Variants in PLXDC2 observed in about 807,000 individuals in gnomAD.
PLXDC2 encodes the protein plexin domain-containing protein 2.
PLXDC2 carries 40 observed loss-of-function variants against 68.9 expected under a neutral mutation model. That is an observed-to-expected ratio of 0.58 (90% CI 0.45 to 0.76). PLXDC2 has a LOEUF of 0.76. Among genes scored for constraint, PLXDC2 ranks in the 30% least tolerant of loss-of-function variants. The pLI, the probability that PLXDC2 is intolerant of heterozygous loss-of-function variation, is 0.00. For synonymous variants in PLXDC2, 243 were observed against 234.2 expected, an observed-to-expected ratio of 1.04 and a Z score of -0.34; for missense variants, 644 against 661.9, an observed-to-expected ratio of 0.97 and a Z score of 0.30.
At chr10:20,206,978 TG>T (rs1835002547) in intron 9 of PLXDC2, among the ~76,000 whole-genome samples, 1 of 152,154 alleles carries the variant, frequency 6.6e-6, no homozygotes, top group South Asian at 2.1e-4. Context: ...CTTTTCCTAG[TG>T]GTTTATACAA....
chr10:20,137,693 AGTTGTTCT>A (rs372295634), intron 4 of PLXDC2, among the ~76,000 whole-genome samples: 1 of 152,356 alleles, frequency 6.6e-6, no homozygotes, highest in African/African-American at 2.4e-5. Flanking sequence ...CCTTGAATAA[AGTTGTTCT>A]GTTCAACATC....
At chr10:20,066,791 G>A (rs1836219249) in intron 3 of PLXDC2, among the ~76,000 whole-genome samples, 2 of 152,114 alleles carry the variant, frequency 1.3e-5, no homozygotes, top group South Asian at 4.1e-4. Context: ...TGCAAAATGG[G>A]AAAAAGCTAA....
intron 1 of PLXDC2, among the ~76,000 whole-genome samples, chr10:19,959,275 A>T (rs1834119139): frequency 6.6e-6 from 1 of 152,198 alleles, no homozygotes; most frequent in African/African-American, 2.4e-5. Context: ...GATACCTGGA[A>T]TGATTGTCTT....
intron 1 of PLXDC2, among the ~76,000 whole-genome samples, chr10:19,991,105 G>A (rs1221820303): frequency 6.6e-6 from 1 of 152,040 alleles, no homozygotes; most frequent in Non-Finnish European, 1.5e-5. Context: ...AATTAGTGGG[G>A]CGTGGTAGCA....
chr10:19,943,297 A>G (rs2131399678), intron 1 of PLXDC2, among the ~76,000 whole-genome samples: 1 of 152,174 alleles, frequency 6.6e-6, no homozygotes, highest in South Asian at 2.1e-4. Flanking sequence ...CAGTATACAC[A>G]TGTATCTTTA....
At chr10:20,007,503 G>A (rs564467767) in intron 2 of PLXDC2, among the ~76,000 whole-genome samples, 49 of 152,340 alleles carry the variant, frequency 3.2e-4, no homozygotes, top group African/African-American at 1.1e-3. Flanking sequence ...TAAAAGGACT[G>A]TACTGTGTGA....
intron 1 of PLXDC2, among the ~76,000 whole-genome samples, chr10:19,967,156 C>A (rs1589561067): frequency 6.6e-6 from 1 of 152,184 alleles, no homozygotes; most frequent in African/African-American, 2.4e-5. Flanking sequence ...AACATACATG[C>A]TTTGGTACAG....
chr10:20,001,713 T>C (rs545766125), intron 1 of PLXDC2, 62 bp from the exon 2 acceptor site: 708 of 1,464,894 alleles, frequency 4.8e-4, no homozygotes, highest in Non-Finnish European at 5.8e-4. Context: ...CTCGAGCCGA[T>C]AGCACTTGCA....
chr10:20,210,758 G>A (rs1378607546), intron 9 of PLXDC2, among the ~76,000 whole-genome samples: 2 of 152,146 alleles, frequency 1.3e-5, no homozygotes, highest in Non-Finnish European at 2.9e-5. Context: ...AGAGACCAGT[G>A]CAAGTTGCCA....
chr10:19,925,261 A>G (rs2131384236), intron 1 of PLXDC2, among the ~76,000 whole-genome samples: 1 of 152,324 alleles, frequency 6.6e-6, no homozygotes, highest in East Asian at 1.9e-4. Context: ...TCTGCACACC[A>G]GTGAATTTAT....
At chr10:19,949,228 G>A (rs1042978313) in intron 1 of PLXDC2, among the ~76,000 whole-genome samples, 1 of 151,640 alleles carries the variant, frequency 6.6e-6, no homozygotes, top group Admixed American at 6.6e-5. Context: ...TTCTGGAAGA[G>A]TCTAGGGTCT....
intron 9 of PLXDC2, among the ~76,000 whole-genome samples, chr10:20,184,988 G>T (rs1185648255): frequency 4.0e-5 from 6 of 151,470 alleles, no homozygotes; most frequent in Admixed American, 2.6e-4. Flanking sequence ...TCACACACTG[G>T]GACCCGTCAG....
chr10:19,828,916 AC>A (rs1351202432), intron 1 of PLXDC2, among the ~76,000 whole-genome samples: 2 of 152,016 alleles, frequency 1.3e-5, no homozygotes, highest in African/African-American at 2.4e-5. Context: ...CCCTGCTGGA[AC>A]CCATTCTTCA....
chr10:19,909,830 T>C (rs552323419), intron 1 of PLXDC2, among the ~76,000 whole-genome samples: 7 of 152,272 alleles, frequency 4.6e-5, no homozygotes, highest in Non-Finnish European at 7.3e-5. Context: ...AGCCAGGCAC[T>C]GTTCTAAGAG....
chr10:20,127,319 C>A (rs566656732), intron 4 of PLXDC2, among the ~76,000 whole-genome samples: 1 of 152,280 alleles, frequency 6.6e-6, no homozygotes, highest in Non-Finnish European at 1.5e-5. Context: ...GAGATGAGAT[C>A]TTTGTCTTTC....
At chr10:20,196,924 C>G (rs1369756034) in intron 9 of PLXDC2, among the ~76,000 whole-genome samples, 6 of 151,944 alleles carry the variant, frequency 3.9e-5, no homozygotes, top group Admixed American at 1.3e-4. Context: ...ATTGTTAATT[C>G]ACGGCTAGAG....
At chr10:19,844,892 C>T (rs1836977002) in intron 1 of PLXDC2, among the ~76,000 whole-genome samples, 1 of 152,170 alleles carries the variant, frequency 6.6e-6, no homozygotes, top group African/African-American at 2.4e-5. Context: ...ATACACCTGT[C>T]CAAAAATGTC....
intron 13 of PLXDC2, among the ~76,000 whole-genome samples, chr10:20,245,878 G>T (rs1257991352): frequency 3.9e-5 from 6 of 152,128 alleles, no homozygotes; most frequent in Admixed American, 3.9e-4. Context: ...TAAGTTAATT[G>T]CTCAGTAAAT....
chr10:19,886,708 C>T (rs1207860615), intron 1 of PLXDC2, among the ~76,000 whole-genome samples: 1 of 152,158 alleles, frequency 6.6e-6, no homozygotes, highest in African/African-American at 2.4e-5. Flanking sequence ...CCTTTGAAAA[C>T]TGGCACAAGA....
Sources: allele counts gnomAD v4.1 joint callset (sites outside exome capture counted in the v4.1 genomes callset), GRCh38; gene constraint gnomAD v4.1.1; transcripts MANE v1.5; gene names NCBI Gene and HGNC (gene_info 2026-07-23, HGNC 2026-07-21).